LPP: variants seen among roughly 807,000 people sequenced by gnomAD.
The protein encoded by LPP is LIM domain containing preferred translocation partner in lipoma.
A neutral mutation model predicts 60.4 loss-of-function variants in LPP; 38 were observed. The observed-to-expected ratio is 0.63, with a 90% CI of 0.49 to 0.83. The LOEUF (loss-of-function observed/expected upper bound fraction) is 0.83, where lower values mean the gene tolerates loss of function less well. Among genes scored for constraint, LPP ranks in the 40% least tolerant of loss-of-function variants. The pLI, the probability that LPP is intolerant of heterozygous loss-of-function variation, is 0.00. For missense variants in LPP, 902 were observed against 783.6 expected (o/e 1.15, Z -1.80); for synonymous variants, 328 against 290.8 (o/e 1.13, Z -1.30).
intron 6 of LPP, among the ~76,000 whole-genome samples, chr3:188,576,077 C>G (rs922697318): frequency 1.3e-5 from 2 of 152,090 alleles, no homozygotes; most frequent in Non-Finnish European, 2.9e-5. Context: ...ACTACTGAGG[C>G]TAATGTTCTC....
intron 4 of LPP, among the ~76,000 whole-genome samples, chr3:188,475,527 C>T (rs1802926293): frequency 6.6e-6 from 1 of 152,182 alleles, no homozygotes; most frequent in South Asian, 2.1e-4. Flanking sequence ...TAGACAACCC[C>T]TGTTAACATA....
chr3:188,235,479 A>G (rs931935110), intron 2 of LPP, among the ~76,000 whole-genome samples: 18 of 152,146 alleles, frequency 1.2e-4, no homozygotes, highest in Non-Finnish European at 2.4e-4. Context: ...ATGACTTTTA[A>G]GGTCCTCCCT....
intron 2 of LPP, among the ~76,000 whole-genome samples, chr3:188,240,365 G>T (rs2149446852): frequency 6.8e-6 from 1 of 147,556 alleles, no homozygotes; most frequent in South Asian, 2.1e-4. Flanking sequence ...GTGTGTGTGT[G>T]TGTGTGTGTG....
intron 6 of LPP, among the ~76,000 whole-genome samples, chr3:188,606,730 A>G (rs4686983): frequency 0.97 from 148,269 of 152,200 alleles, 72,333 homozygotes; most frequent in Middle Eastern, 1. Context: ...TGGAAAAGGC[A>G]TTTTGAACCT....
At chr3:188,823,325 T>C (rs1324537476) in intron 9 of LPP, among the ~76,000 whole-genome samples, 1 of 152,122 alleles carries the variant, frequency 6.6e-6, no homozygotes, top group East Asian at 1.9e-4. Context: ...TGCAGCATGG[T>C]TTATCTTGCT....
At chr3:188,781,293 G>T (rs1487057218) in intron 9 of LPP, among the ~76,000 whole-genome samples, 1 of 152,190 alleles carries the variant, frequency 6.6e-6, no homozygotes, top group Non-Finnish European at 1.5e-5. Context: ...GAAGGAAAGA[G>T]ACTGGATGAC....
At chr3:188,266,847 A>G (rs925328939) in intron 2 of LPP, among the ~76,000 whole-genome samples, 2 of 152,150 alleles carry the variant, frequency 1.3e-5, no homozygotes, top group African/African-American at 4.8e-5. Context: ...AGCAGATTAC[A>G]GAATCCTCCC....
chr3:188,524,931 CCTTCCTTCCT>C (rs1243973006), intron 6 of LPP, 144 bp downstream of exon 6: 11 of 596,372 alleles, frequency 1.8e-5, no homozygotes, highest in Non-Finnish European at 2.9e-5. Flanking sequence ...TTCCTTCCTT[CCTTCCTTCCT>C]TCCTTCCTCT....
At chr3:188,653,770 CT>C (rs1014533896) in intron 7 of LPP, among the ~76,000 whole-genome samples, 23 of 152,144 alleles carry the variant, frequency 1.5e-4, no homozygotes, top group African/African-American at 5.3e-4. Flanking sequence ...GCATTTTGAT[CT>C]TTTTATCTCT....
At chr3:188,469,186 A>G (rs1466732271) in intron 4 of LPP, among the ~76,000 whole-genome samples, 2 of 152,122 alleles carry the variant, frequency 1.3e-5, no homozygotes, top group Non-Finnish European at 2.9e-5. Flanking sequence ...AGAACATCCA[A>G]TAGATTTTGG....
At chr3:188,699,652 G>T (rs556671812) in intron 7 of LPP, among the ~76,000 whole-genome samples, 4 of 152,244 alleles carry the variant, frequency 2.6e-5, no homozygotes, top group African/African-American at 9.6e-5. Flanking sequence ...AAGAATAGAA[G>T]AACCAAGAGC....
intron 2 of LPP, among the ~76,000 whole-genome samples, chr3:188,238,721 A>T (rs911457873): frequency 6.6e-6 from 1 of 152,188 alleles, no homozygotes; most frequent in African/African-American, 2.4e-5. Flanking sequence ...GTCACATCGA[A>T]TATCACTGAT....
chr3:188,761,632 A>G (rs1381543261), intron 9 of LPP, among the ~76,000 whole-genome samples: 4 of 152,224 alleles, frequency 2.6e-5, no homozygotes, highest in Non-Finnish European at 5.9e-5. Flanking sequence ...CCAAGGCTGC[A>G]TTCCGTTATT....
At chr3:188,233,327 A>G (rs1421689320) in intron 2 of LPP, among the ~76,000 whole-genome samples, 1 of 151,850 alleles carries the variant, frequency 6.6e-6, no homozygotes, top group African/African-American at 2.4e-5. Context: ...AGACTAGTCC[A>G]GGGGTGAATT....
chr3:188,651,218 TATAA>T, intron 7 of LPP, among the ~76,000 whole-genome samples: 1 of 152,312 alleles, frequency 6.6e-6, no homozygotes, highest in South Asian at 2.1e-4. Flanking sequence ...TTCAGACATA[TATAA>T]CGCAGTCTGC....
intron 7 of LPP, among the ~76,000 whole-genome samples, chr3:188,669,450 C>A (rs905337161): frequency 6.6e-6 from 1 of 152,038 alleles, no homozygotes; most frequent in African/African-American, 2.4e-5. Context: ...GTGGCGGGCA[C>A]CTGTAGTCCG....
intron 9 of LPP, among the ~76,000 whole-genome samples, chr3:188,816,736 G>A (rs1752593381): frequency 6.6e-6 from 1 of 152,108 alleles, no homozygotes; most frequent in African/African-American, 2.4e-5. Flanking sequence ...TACTTGCTGA[G>A]GAATAAACAG....
At chr3:188,244,254 C>CA (rs1726073061) in intron 2 of LPP, among the ~76,000 whole-genome samples, 1 of 152,196 alleles carries the variant, frequency 6.6e-6, no homozygotes, top group African/African-American at 2.4e-5. Context: ...ACAACAGTAA[C>CA]AAAAAATTGA....
intron 7 of LPP, among the ~76,000 whole-genome samples, chr3:188,695,396 G>A (rs1179986368): frequency 6.6e-6 from 1 of 152,118 alleles, no homozygotes; most frequent in East Asian, 1.9e-4. Context: ...CAGTGCTGAC[G>A]AATAACACTG....
Sources: allele counts gnomAD v4.1 joint callset (sites outside exome capture counted in the v4.1 genomes callset), GRCh38; gene constraint gnomAD v4.1.1; transcripts MANE v1.5; gene names NCBI Gene and HGNC (gene_info 2026-07-23, HGNC 2026-07-21).